The following STYXL2 variants were observed in gnomAD, a reference collection of about 807,000 sequenced individuals.
The protein encoded by STYXL2 is serine/threonine/tyrosine-interacting-like protein 2.
STYXL2 carries 44 observed loss-of-function variants against 52.4 expected under a neutral mutation model. The observed-to-expected ratio is 0.84, with a 90% CI of 0.66 to 1.08. The LOEUF is 1.08. Among genes scored for constraint, STYXL2 ranks in the 50% least tolerant of loss-of-function variants. The probability of loss-of-function intolerance (pLI) is 0.00; values close to 1 mark genes in which losing one functional copy is unlikely to be tolerated. For synonymous variants in STYXL2, 604 were observed against 586.9 expected, an observed-to-expected ratio of 1.03 and a Z score of -0.42; for missense variants, 1,604 against 1,471.7, an observed-to-expected ratio of 1.09 and a Z score of -1.47.
chr1:167,108,742 A>T (rs550522562), intron 2 of STYXL2, among the ~76,000 whole-genome samples: 1 of 152,338 alleles, frequency 6.6e-6, no homozygotes, highest in East Asian at 1.9e-4. Flanking sequence ...TTGCTCCAAG[A>T]ACTACCACAG....
At chr1:167,116,172 T>C (rs1242846781) in intron 3 of STYXL2, among the ~76,000 whole-genome samples, 2 of 152,238 alleles carry the variant, frequency 1.3e-5, no homozygotes, top group African/African-American at 4.8e-5. Context: ...AGGAACGATT[T>C]TGTTCTTTGT....
intron 5 of STYXL2, 101 bp from the exon 6 acceptor site, chr1:167,125,686 G>T: frequency 6.9e-7 from 1 of 1,444,906 alleles, no homozygotes; most frequent in Non-Finnish European, 9.0e-7. Context: ...CACCTTAAGT[G>T]CAGCATATTA....
intron 2 of STYXL2, among the ~76,000 whole-genome samples, chr1:167,101,910 C>T (rs1667410596): frequency 1.3e-5 from 2 of 151,840 alleles, no homozygotes; most frequent in South Asian, 2.1e-4. Flanking sequence ...TGTCCAATGA[C>T]GAGTGAATGG....
chr1:167,095,668 T>C (rs1000070127), intron 2 of STYXL2, among the ~76,000 whole-genome samples: 1 of 152,232 alleles, frequency 6.6e-6, no homozygotes, highest in East Asian at 1.9e-4. Flanking sequence ...AAAACAATAC[T>C]GTGTGTGCCT....
intron 2 of STYXL2, among the ~76,000 whole-genome samples, chr1:167,095,435 T>A (rs1180742496): frequency 6.6e-6 from 1 of 152,106 alleles, no homozygotes; most frequent in Non-Finnish European, 1.5e-5. Context: ...AATCAAGCTG[T>A]GTCTTTTAAA....
chr1:167,094,133 A>G lies in STYXL2; in HGVS notation c.-78A>G, dbSNP rs541732403. 1 of 152,816 alleles carries G rather than the reference A, an allele frequency of 6.5e-6. No homozygotes were observed. The highest frequency in any genetic ancestry group is 6.5e-5 in the Admixed American group (1 of 15,306). The allele number at this position is 152,816 out of a possible 1,614,324, so 9.5% of individuals were successfully genotyped here. On this transcript the variant is annotated 5_prime_UTR_variant, in exon 1 of 6. Coordinates refer to ENST00000361200, the MANE Select transcript of STYXL2 (RefSeq NM_001080426.3). ...TTCCTGTCTCACTGGCCGGAGCTTC[A>G]GCTTCAGTCATTTCATCTGGGTCCC...
At chr1:167,106,331 G>C in intron 2 of STYXL2, among the ~76,000 whole-genome samples, 1 of 152,090 alleles carries the variant, frequency 6.6e-6, no homozygotes, top group East Asian at 1.9e-4. Flanking sequence ...CAGTTGCTTG[G>C]AATACTGATT....
intron 2 of STYXL2, among the ~76,000 whole-genome samples, chr1:167,108,271 C>A (rs1667545810): frequency 6.6e-6 from 1 of 152,196 alleles, no homozygotes; most frequent in African/African-American, 2.4e-5. Flanking sequence ...GCTAGAGACA[C>A]AGGTAAATAA....
chr1:167,110,397 G>T (rs10800286), intron 2 of STYXL2, among the ~76,000 whole-genome samples: 38,015 of 152,028 alleles, frequency 0.25, 5,141 homozygotes, highest in Non-Finnish European at 0.31. Context: ...GCCAGAAAAA[G>T]AATTCAGAAG....
At chr1:167,094,804 C>A in intron 1 of STYXL2, 30 bp from the exon 2 acceptor site, 2 of 1,508,354 alleles carry the variant, frequency 1.3e-6, no homozygotes, top group African/African-American at 1.4e-5. Flanking sequence ...ACCTAATTCC[C>A]TAACTGCCTT....
At chr1:167,097,892 G>A (rs1667322506) in intron 2 of STYXL2, among the ~76,000 whole-genome samples, 1 of 151,804 alleles carries the variant, frequency 6.6e-6, no homozygotes, top group Non-Finnish European at 1.5e-5. Context: ...GTTTGTCATG[G>A]TAGCTCATGC....
At chr1:167,100,648 A>C (rs1006553171) in intron 2 of STYXL2, among the ~76,000 whole-genome samples, 6 of 152,174 alleles carry the variant, frequency 3.9e-5, no homozygotes, top group Non-Finnish European at 8.8e-5. Context: ...AACCTGAAAG[A>C]CCCACTTTAC....
At chr1:167,119,625 T>A (rs894591174) in intron 5 of STYXL2, among the ~76,000 whole-genome samples, 159 bp downstream of exon 5, 1 of 152,216 alleles carries the variant, frequency 6.6e-6, no homozygotes, top group African/African-American at 2.4e-5. Flanking sequence ...TAATCATTCA[T>A]CCAGTAAGTA....
rs559367577 is a variant in STYXL2 at position 167,118,369 on chromosome 1, G to A, written c.437+810G>A. On this transcript the variant is annotated intron_variant, in intron 4 of 5. Coordinates refer to ENST00000361200, the MANE Select transcript of STYXL2 (RefSeq NM_001080426.3). ...GATGTTTTCCCAGTGTAATTATCCA[G>A]ATATCCAGAAGCAAAGGAGGAAATT... 1.2e-3 allele frequency among the ~76,000 whole-genome samples: 184 copies of A among 152,272 alleles called. 2 individuals are homozygous for A. Among genetic ancestry groups the A allele is most frequent in the African/African-American group, 4.2e-3 (176 of 41,554 alleles).
At chr1:167,100,852 CAT>C (rs1667388487) in intron 2 of STYXL2, among the ~76,000 whole-genome samples, 4 of 152,350 alleles carry the variant, frequency 2.6e-5, no homozygotes, top group South Asian at 4.1e-4. Flanking sequence ...GGAAGGCAAA[CAT>C]GTGGTGGCAC....
At chr1:167,111,513 TAC>T (rs767623370) in intron 2 of STYXL2, among the ~76,000 whole-genome samples, 1,442 of 48,996 alleles carry the variant, frequency 0.029, 20 homozygotes, top group African/African-American at 0.058. Flanking sequence ...TATATATATA[TAC>T]ACACACACAC....
At chr1:167,123,944 G>T (rs1306623426) in intron 5 of STYXL2, among the ~76,000 whole-genome samples, 2 of 151,528 alleles carry the variant, frequency 1.3e-5, no homozygotes, top group Non-Finnish European at 2.9e-5. Context: ...TTGAGACAGG[G>T]TCTCATTCTG....
At chr1:167,122,327 TTCTC>T (rs952574228) in intron 5 of STYXL2, among the ~76,000 whole-genome samples, 1 of 152,092 alleles carries the variant, frequency 6.6e-6, no homozygotes, top group Non-Finnish European at 1.5e-5. Context: ...TCCCTCTTCT[TTCTC>T]TCTCTACTTC....
chr1:167,108,565 G>T (rs544563731), intron 2 of STYXL2, among the ~76,000 whole-genome samples: 57 of 131,898 alleles, frequency 4.3e-4, no homozygotes, highest in African/African-American at 1.8e-3. Flanking sequence ...CAAACAATGA[G>T]ATCTCTAAAG....
Sources: allele counts gnomAD v4.1 joint callset (sites outside exome capture counted in the v4.1 genomes callset), GRCh38; gene constraint gnomAD v4.1.1; transcripts MANE v1.5; gene names NCBI Gene and HGNC (gene_info 2026-07-23, HGNC 2026-07-21).